Variants in CPQ observed in about 807,000 individuals in gnomAD.
CPQ encodes the protein carboxypeptidase Q.
CPQ carries 37 observed loss-of-function variants against 45.7 expected under a neutral mutation model. The observed-to-expected ratio is 0.81, with a 90% confidence interval of 0.62 to 1.07. The LOEUF (loss-of-function observed/expected upper bound fraction) is 1.07. Among genes scored for constraint, CPQ ranks in the 50% least tolerant of loss-of-function variants. The pLI is 0.00. For synonymous variants in CPQ, 186 were observed against 205.8 expected (o/e 0.90, Z 0.82); for missense variants, 537 against 572.9 (o/e 0.94, Z 0.64).
chr8:96,929,241 AT>A (rs1370534451), intron 4 of CPQ, among the ~76,000 whole-genome samples: 2 of 152,222 alleles, frequency 1.3e-5, no homozygotes, highest in African/African-American at 4.8e-5. Flanking sequence ...AAGGAATAGA[AT>A]GTATAACATT....
intron 3 of CPQ, among the ~76,000 whole-genome samples, chr8:96,866,505 G>C (rs1050625350): frequency 6.6e-6 from 1 of 152,134 alleles, no homozygotes; most frequent in South Asian, 2.1e-4. Flanking sequence ...TTATTACGGA[G>C]AATTGATTAA....
chr8:97,130,968 G>A (rs576328964), intron 7 of CPQ, among the ~76,000 whole-genome samples: 67 of 152,278 alleles, frequency 4.4e-4, no homozygotes, highest in African/African-American at 1.6e-3. Context: ...TGCCAAATGG[G>A]ACGCTGCCAG....
intron 7 of CPQ, among the ~76,000 whole-genome samples, chr8:97,142,174 A>T (rs900618961): frequency 6.6e-6 from 1 of 152,194 alleles, no homozygotes; most frequent in Non-Finnish European, 1.5e-5. Context: ...GTACAATCTT[A>T]TGTGTGTATG....
chr8:97,089,749 A>G (rs117245826), intron 7 of CPQ, among the ~76,000 whole-genome samples: 1,736 of 152,244 alleles, frequency 0.011, 25 homozygotes, highest in Non-Finnish European at 0.014. Flanking sequence ...GGTAGGGAGT[A>G]CTGATCCTTT....
intron 7 of CPQ, among the ~76,000 whole-genome samples, chr8:97,085,723 T>G (rs1258220584): frequency 6.6e-6 from 1 of 152,184 alleles, no homozygotes; most frequent in African/African-American, 2.4e-5. Context: ...ATACCATGAA[T>G]AGTTAAATAA....
chr8:96,949,619 T>C (rs182736312), intron 4 of CPQ, among the ~76,000 whole-genome samples: 3 of 152,280 alleles, frequency 2.0e-5, no homozygotes, highest in East Asian at 3.9e-4. Flanking sequence ...CAGGCTTAAA[T>C]TTTTATAAAA....
At position 96,854,547 on chromosome 8, in the gene CPQ, A is replaced by AC. The variant is rs1287161090; in HGVS notation, c.641+19367_641+19368insC. Among the ~76,000 whole-genome samples the AC allele has an allele frequency of 6.4e-4, 74 of 116,340 alleles. 6 individuals carry two copies. In the South Asian group the frequency reaches 0.018, roughly 28 times the overall value. 76.3% of individuals were successfully genotyped at this position (116,340 alleles called of 152,430 possible). ...CTCCGTCTCAAAAAAAAAAAAAAAA[A>AC]AAAAAAAAAAAATGTGGTGGAACTA... is the stretch of plus-strand genomic sequence containing the variant. On this transcript the variant is annotated intron_variant, in intron 3 of 7. Coordinates refer to ENST00000220763, the MANE Select transcript of CPQ (RefSeq NM_016134.4).
At chr8:97,131,619 C>T (rs1466024945) in intron 7 of CPQ, among the ~76,000 whole-genome samples, 1 of 152,202 alleles carries the variant, frequency 6.6e-6, no homozygotes, top group Non-Finnish European at 1.5e-5. Context: ...CAGTGGCCCC[C>T]AGAGGCATTT....
intron 1 of CPQ, among the ~76,000 whole-genome samples, chr8:96,719,219 G>A (rs1809728852): frequency 1.3e-5 from 2 of 152,230 alleles, no homozygotes; most frequent in Admixed American, 6.5e-5. Flanking sequence ...TGCAGGTCCC[G>A]AGCCCTGCCC....
chr8:96,794,548 T>C (rs1810899638), intron 2 of CPQ, among the ~76,000 whole-genome samples: 1 of 152,204 alleles, frequency 6.6e-6, no homozygotes, highest in Non-Finnish European at 1.5e-5. Flanking sequence ...CCCCATTGTC[T>C]TGGGGATTAA....
At chr8:96,771,587 G>C (rs898596116) in intron 1 of CPQ, among the ~76,000 whole-genome samples, 3 of 152,040 alleles carry the variant, frequency 2.0e-5, no homozygotes, top group African/African-American at 7.2e-5. Context: ...AGTATGTTAG[G>C]TGCCCAGGAG....
chr8:97,104,533 T>TA (rs1433222908), intron 7 of CPQ, among the ~76,000 whole-genome samples: 1 of 152,150 alleles, frequency 6.6e-6, no homozygotes, highest in Non-Finnish European at 1.5e-5. Flanking sequence ...TCCAGACAAA[T>TA]ACTGTCACAA....
chr8:96,779,435 T>C (rs544283162), intron 1 of CPQ, among the ~76,000 whole-genome samples: 27 of 152,264 alleles, frequency 1.8e-4, no homozygotes, highest in African/African-American at 5.8e-4. Context: ...TAGTTTCCTA[T>C]AAAAAACACA....
chr8:97,036,747 A>C (rs1402378890), intron 6 of CPQ, among the ~76,000 whole-genome samples: 1 of 152,236 alleles, frequency 6.6e-6, no homozygotes, highest in Non-Finnish European at 1.5e-5. Flanking sequence ...ATGATCTGGC[A>C]TAATTATAAT....
chr8:96,912,433 C>G (rs1812676596), intron 4 of CPQ, among the ~76,000 whole-genome samples: 1 of 151,950 alleles, frequency 6.6e-6, no homozygotes, highest in Admixed American at 6.6e-5. Context: ...TTTAATGTAG[C>G]CTTTTAATGT....
intron 6 of CPQ, among the ~76,000 whole-genome samples, chr8:97,059,289 C>T (rs1170654744): frequency 6.6e-6 from 1 of 152,074 alleles, no homozygotes; most frequent in Admixed American, 6.6e-5. Context: ...GTGGCTAAAC[C>T]ATAGTAGGAG....
At chr8:96,930,044 A>T (rs1448638683) in intron 4 of CPQ, among the ~76,000 whole-genome samples, 1 of 152,202 alleles carries the variant, frequency 6.6e-6, no homozygotes, top group Non-Finnish European at 1.5e-5. Flanking sequence ...GAAGATTAAG[A>T]GGGAGATATA....
chr8:96,942,731 T>C (rs767260214), intron 4 of CPQ, among the ~76,000 whole-genome samples: 7 of 152,182 alleles, frequency 4.6e-5, no homozygotes, highest in Non-Finnish European at 8.8e-5. Flanking sequence ...TGTAGATTCC[T>C]GGGACCCATG....
At chr8:96,733,149 C>T (rs1809934032) in intron 1 of CPQ, among the ~76,000 whole-genome samples, 1 of 152,040 alleles carries the variant, frequency 6.6e-6, no homozygotes, top group Admixed American at 6.6e-5. Flanking sequence ...TTCATGTAGA[C>T]CCTCCTCAAA....
Sources: gnomAD v4.1 joint callset for allele counts (sites outside exome capture counted in the v4.1 genomes callset) on GRCh38, gnomAD v4.1.1 for gene constraint, MANE v1.5 for transcripts, NCBI Gene and HGNC (gene_info 2026-07-23, HGNC 2026-07-21) for gene names.